The following ZNF112 variants were observed in gnomAD, a reference collection of about 807,000 sequenced individuals.
ZNF112 encodes zinc finger protein 112, also known as zinc finger protein 112 (Y14).
In ZNF112, 37 loss-of-function variants were observed where a neutral mutation model predicts 77.7. The ratio of observed to expected loss-of-function variants is 0.48; its 90% CI spans 0.37 to 0.63. The LOEUF is 0.63. ZNF112 is among the 20% of genes least tolerant of loss of function. The pLI is 0.00. For missense variants in ZNF112, 950 were observed against 1,077.4 expected, an observed-to-expected ratio of 0.88 and a Z score of 1.66; for synonymous variants, 333 against 363.6, an observed-to-expected ratio of 0.92 and a Z score of 0.96.
intron 1 of ZNF112, among the ~76,000 whole-genome samples, chr19:44,345,142 A>G (rs1011182268): frequency 1.3e-5 from 2 of 152,200 alleles, no homozygotes; most frequent in African/African-American, 4.8e-5. Flanking sequence ...TCCAGGCTCT[A>G]TAAATGAGGA....
At chr19:44,357,199 G>A (rs1970801416), upstream of ZNF112, among the ~76,000 whole-genome samples, 1 of 152,076 alleles carries the variant, frequency 6.6e-6, no homozygotes, top group Non-Finnish European at 1.5e-5. Flanking sequence ...CCTAGAGTTT[G>A]AATTTATTTT....
In ZNF112 at chr19:44,333,830, C is replaced by T. The variant is rs1263311642; in HGVS notation, c.220+2793G>A. ...TTCTTTACAGCAATGGGAGAATGGA[C>T]GAATAAAGAAAATTGGTACCAGAAA... On this transcript the variant is annotated intron_variant, in intron 3 of 3. Coordinates refer to ENST00000354340, the MANE Select transcript of ZNF112 (RefSeq NM_013380.4). Among the ~76,000 whole-genome samples the T allele has an allele frequency of 2.0e-5, 3 of 151,866 alleles. No homozygotes were observed. In the East Asian group the frequency reaches 5.8e-4, roughly 29 times the overall value.
chr19:44,346,446 C>T (rs1222378955), intron 1 of ZNF112, among the ~76,000 whole-genome samples: 1 of 152,152 alleles, frequency 6.6e-6, no homozygotes, highest in African/African-American at 2.4e-5. Context: ...AATCTAGAAG[C>T]TGCTCATTAG....
intron 3 of ZNF112, among the ~76,000 whole-genome samples, chr19:44,333,728 C>A (rs999727432): frequency 3.3e-5 from 5 of 152,174 alleles, no homozygotes; most frequent in Admixed American, 6.5e-5. Context: ...GCCTCCCCAG[C>A]CATGCTTCCT....
intron 1 of ZNF112, among the ~76,000 whole-genome samples, chr19:44,348,613 T>C (rs1486751514): frequency 6.6e-6 from 1 of 152,076 alleles, no homozygotes; most frequent in South Asian, 2.1e-4. Flanking sequence ...ATCTGGACAA[T>C]CTCCAAATGT....
chr19:44,359,310 G>T (rs927524622), upstream of ZNF112, among the ~76,000 whole-genome samples: 1 of 122,812 alleles, frequency 8.1e-6, no homozygotes, highest in Admixed American at 8.5e-5. Context: ...TCATATATTA[G>T]AGTTCTTTTT....
At chr19:44,353,952 A>T (rs1464249953) in intron 1 of ZNF112, among the ~76,000 whole-genome samples, 1 of 152,182 alleles carries the variant, frequency 6.6e-6, no homozygotes, top group African/African-American at 2.4e-5. Flanking sequence ...AATGCCAAAA[A>T]GTGGAGGAAA....
In ZNF112 at chr19:44,327,551, C is replaced by T; in HGVS notation, c.2606G>A (p.Gly869Asp). 1 of 1,613,998 alleles carries T rather than the reference C, an allele frequency of 6.2e-7. No homozygotes were observed. Among genetic ancestry groups the T allele is most frequent in the Non-Finnish European group, 8.5e-7 (1 of 1,179,950 alleles). ...ATGGACTCTTTGATGAATGAGAAGA[C>T]CTGAGCTCCAACGGAAACCCTTACC... ...ACGKGFRWSS[G>D]LLIHQRVHSS... is the part of the protein sequence containing the mutation. The change falls in exon 4 of 4, where the codon GGT (glycine) becomes GAT (aspartate). Residue 869 changes from glycine (G) to aspartate (D), a missense_variant. By Grantham distance (94) the Gly-to-Asp change is moderately conservative. Transcript: ENST00000354340.
At chr19:44,347,485 A>ATTTTTTT (rs757226424) in intron 1 of ZNF112, among the ~76,000 whole-genome samples, 1 of 40,318 alleles carries the variant, frequency 2.5e-5, no homozygotes, top group Non-Finnish European at 5.8e-5. Flanking sequence ...TTTTGGGTTG[A>ATTTTTTT]TTTTTTTTTT....
intron 3 of ZNF112, among the ~76,000 whole-genome samples, chr19:44,334,857 A>T (rs890738215): frequency 6.6e-6 from 1 of 152,260 alleles, no homozygotes; most frequent in South Asian, 2.1e-4. Flanking sequence ...AGTCTGCTGC[A>T]GGGGTGGAGC....
intron 2 of ZNF112, among the ~76,000 whole-genome samples, 160 bp downstream of exon 2, chr19:44,340,256 A>T (rs1302169246): frequency 6.6e-6 from 1 of 152,148 alleles, no homozygotes; most frequent in Non-Finnish European, 1.5e-5. Context: ...ACTGGACAAA[A>T]CCATCAGAAA....
At chr19:44,352,992 A>C (rs891156694) in intron 1 of ZNF112, among the ~76,000 whole-genome samples, 13 of 152,124 alleles carry the variant, frequency 8.5e-5, no homozygotes, top group African/African-American at 3.1e-4. Context: ...TCTAAAATGC[A>C]TATGGAAAGG....
rs138136227 is a variant in ZNF112 at position 44,329,038 on chromosome 19, C to A, written c.1119G>T (p.Arg373Ser). The A allele has an allele frequency of 2.5e-6, 4 of 1,613,602 alleles. No individual in the cohort carries two copies. The African/African-American group carries it at 5.3e-5, about 22-fold the overall frequency. The change falls in exon 4 of 4, where the codon AGG becomes AGT. Residue 373 changes from arginine to serine, a missense_variant. Physicochemically the swap from Arg to Ser is moderately radical, Grantham distance 110. Transcript: ENST00000354340. ...CATGGGGTTCATCCCTAGTATGGAC[C>A]CTAAAAATACTATTAAGGTCTAAGC... is the stretch of plus-strand genomic sequence containing the variant. ...SHSLDLNSIFRVHTRDEPHEY... is the reference protein window; with the variant it reads ...SHSLDLNSIFSVHTRDEPHEY...
upstream of ZNF112, among the ~76,000 whole-genome samples, chr19:44,359,220 T>C (rs12976591): frequency 0.76 from 115,490 of 151,600 alleles, 44,769 homozygotes; most frequent in East Asian, 0.9. Flanking sequence ...TTAGTAATTC[T>C]GGTCTCTTCA....
At chr19:44,355,438 A>T (rs1249436493) in intron 1 of ZNF112, among the ~76,000 whole-genome samples, 2 of 152,230 alleles carry the variant, frequency 1.3e-5, no homozygotes, top group African/African-American at 4.8e-5. Flanking sequence ...ATTACAGATA[A>T]TTTTAAAAAA....
In ZNF112 at chr19:44,327,692, G is replaced by T. The variant is rs1970153693; in HGVS notation, c.2465C>A (p.Thr822Lys). Residue 822 changes from threonine to lysine, a missense_variant, in exon 4 of 4, where the codon ACA becomes AAA. Around this residue, in one of 3 missense-constraint regions of ZNF112, gnomAD observed 373 missense variants for 482.8 expected, o/e 0.77. Transcript: ENST00000354340. ...SSLQAHHRVH[T>K]GEKPYKCEVC... Reference sequence around the variant, plus strand: ...CTCACATTTGTATGGTTTCTCTCCTGTGTGGACTCTGTGATGGGCTTGAAG... The same window carrying T: ...CTCACATTTGTATGGTTTCTCTCCTTTGTGGACTCTGTGATGGGCTTGAAG... 6.2e-7 allele frequency: 1 copy of T among 1,613,858 alleles called. No individual in the cohort carries two copies. The highest frequency in any genetic ancestry group is 1.3e-5 in the African/African-American group (1 of 74,928).
intron 2 of ZNF112, among the ~76,000 whole-genome samples, chr19:44,339,035 T>G (rs1433744024): frequency 6.6e-6 from 1 of 152,164 alleles, no homozygotes; most frequent in Non-Finnish European, 1.5e-5. Flanking sequence ...CACTCCAGCC[T>G]GGGCAACAGA....
chr19:44,343,382 G>A (rs1970528023), intron 1 of ZNF112: 1 of 1,191,246 alleles, frequency 8.4e-7, no homozygotes. Flanking sequence ...AGAAAAAGGT[G>A]TCCCTTCCCC....
At chr19:44,360,584 C>A (rs1251057654), upstream of ZNF112, among the ~76,000 whole-genome samples, 1 of 152,208 alleles carries the variant, frequency 6.6e-6, no homozygotes, top group Non-Finnish European at 1.5e-5. Flanking sequence ...CTTTATCCTG[C>A]AATCTTGCCA....
Sources: allele counts gnomAD v4.1 joint callset (sites outside exome capture counted in the v4.1 genomes callset), GRCh38; gene constraint gnomAD v4.1.1; regional missense constraint gnomAD v4.1.1; transcripts MANE v1.5; gene names NCBI Gene and HGNC (gene_info 2026-07-23, HGNC 2026-07-21).